FAM209A: variants seen among roughly 807,000 people sequenced by gnomAD.
The protein encoded by FAM209A is family with sequence similarity 209 member A, also known as protein FAM209A.
FAM209A carries 4 observed loss-of-function variants against 9.8 expected under a neutral mutation model. The ratio of observed to expected loss-of-function variants is 0.41; its 90% confidence interval spans 0.20 to 0.94. FAM209A has a LOEUF of 0.94. Ranked by LOEUF, FAM209A falls within the 40% of genes least tolerant of loss-of-function variation. The pLI, the probability that FAM209A is intolerant of heterozygous loss-of-function variation, is 0.32. For synonymous variants in FAM209A, 55 were observed against 77.8 expected (o/e 0.71, Z 1.54); for missense variants, 205 against 209.4 (o/e 0.98, Z 0.13).
chr20:56,528,955 TC>T (rs1440525925), downstream of FAM209A, among the ~76,000 whole-genome samples: 1 of 152,186 alleles, frequency 6.6e-6, no homozygotes, highest in African/African-American at 2.4e-5. Context: ...ACACCTGTAA[TC>T]CCAGCACTCT....
At chr20:56,527,292 G>T (rs1353850731), downstream of FAM209A, among the ~76,000 whole-genome samples, 1 of 151,674 alleles carries the variant, frequency 6.6e-6, no homozygotes, top group Non-Finnish European at 1.5e-5. Context: ...CTTGTGTTCT[G>T]TGAGCAAGCC....
downstream of FAM209A, among the ~76,000 whole-genome samples, chr20:56,530,663 A>AT (rs34007542): frequency 0.49 from 67,227 of 138,146 alleles, 16,550 homozygotes; most frequent in African/African-American, 0.6. Context: ...CACTCAGCTA[A>AT]TTTTTTTTTT....
chr20:56,524,938 A>T lies in FAM209A; in HGVS notation c.130A>T (p.Ile44Phe), dbSNP rs565141407. The T allele has an allele frequency of 6.2e-7, 1 of 1,614,192 alleles. No individual in the cohort carries two copies. Among genetic ancestry groups the T allele is most frequent in the Non-Finnish European group, 8.5e-7 (1 of 1,180,044 alleles). The change falls in exon 1 of 2, where the codon ATT becomes TTT. Residue 44 changes from isoleucine (I) to phenylalanine (F), a missense_variant. Ile to Phe is a conservative substitution (Grantham distance 21, BLOSUM62 0). Transcript: ENST00000371328. The part of the protein sequence containing the change: ...GKVQYGEHFR[I>F]RQNLPEHTQG... ...GGTGCAATACGGAGAGCACTTTCGG[A>T]TTCGGCAGAATCTACCAGAGCACAC... is the stretch of plus-strand genomic sequence containing the variant.
At chr20:56,527,536 C>A (rs1023031804), downstream of FAM209A, among the ~76,000 whole-genome samples, 13 of 152,208 alleles carry the variant, frequency 8.5e-5, no homozygotes, top group Admixed American at 2.0e-4. Flanking sequence ...CCCACAGGTC[C>A]CAGGAATGAG....
downstream of FAM209A, among the ~76,000 whole-genome samples, chr20:56,526,824 T>C (rs915850310): frequency 6.6e-6 from 1 of 152,016 alleles, no homozygotes; most frequent in Non-Finnish European, 1.5e-5. Flanking sequence ...CTTAGCCCAT[T>C]GGGAGGCCGA....
At chr20:56,525,082 C>T (rs1259703377) in intron 1 of FAM209A, 25 bp downstream of exon 1, 3 of 1,610,518 alleles carry the variant, frequency 1.9e-6, no homozygotes, top group South Asian at 2.2e-5. Context: ...ATTTTTTTTA[C>T]ACCATATTGA....
intron 1 of FAM209A, 103 bp from the exon 2 acceptor site, chr20:56,525,701 G>A (rs867074806): frequency 2.5e-6 from 3 of 1,197,348 alleles, no homozygotes; most frequent in Middle Eastern, 2.2e-4. Context: ...TTTGTGGGCA[G>A]TATGGTCTTC....
chr20:56,533,261 C>T, the FAM209A span: 2 of 1,585,988 alleles, frequency 1.3e-6, no homozygotes, highest in South Asian at 1.2e-5. Flanking sequence ...CACCAAGGGC[C>T]TGGCACCAGG....
At chr20:56,527,550 A>G (rs560549107), downstream of FAM209A, among the ~76,000 whole-genome samples, 66 of 152,368 alleles carry the variant, frequency 4.3e-4, 1 homozygote, top group Non-Finnish European at 7.8e-4. Context: ...GAATGAGTGC[A>G]TAGGCATCTC....
chr20:56,529,683 G>A (rs953254922), downstream of FAM209A, among the ~76,000 whole-genome samples: 4 of 151,864 alleles, frequency 2.6e-5, no homozygotes, highest in Admixed American at 6.6e-5. Flanking sequence ...ACAAAAATTA[G>A]TTGGGTGTGT....
At chr20:56,528,117 A>G (rs1025413077), downstream of FAM209A, among the ~76,000 whole-genome samples, 1 of 151,588 alleles carries the variant, frequency 6.6e-6, no homozygotes, top group African/African-American at 2.4e-5. Flanking sequence ...AAAAAAATAA[A>G]TAAATAAAAA....
At chr20:56,527,349 T>A (rs188779573), downstream of FAM209A, among the ~76,000 whole-genome samples, 77 of 152,302 alleles carry the variant, frequency 5.1e-4, no homozygotes, top group South Asian at 8.5e-3. Flanking sequence ...CCCAAGATGC[T>A]CCATGCTCAT....
rs1472729729 is a variant in FAM209A at position 56,526,118 on chromosome 20, T to C, written c.*48T>C. ...AAAAAAGTTGAGTGTTGACAAACTG[T>C]ATGCAAACTAATAAAACTATTCTGA... On this transcript the variant is annotated 3_prime_UTR_variant, in exon 2 of 2. Coordinates refer to ENST00000371328, the MANE Select transcript of FAM209A (RefSeq NM_001012971.4). 6.6e-7 allele frequency: 1 copy of C among 1,520,042 alleles called. No individual in the cohort carries two copies. Among genetic ancestry groups the C allele is most frequent in the Non-Finnish European group, 8.8e-7 (1 of 1,137,248 alleles). The allele number at this position is 1,520,042 out of a possible 1,614,324, so 94.2% of individuals were successfully genotyped here.
chr20:56,525,719 T>C (rs1027604268), intron 1 of FAM209A, 85 bp from the exon 2 acceptor site: 1 of 1,389,514 alleles, frequency 7.2e-7, no homozygotes, highest in Admixed American at 2.0e-5. Context: ...TTCTTGCAAC[T>C]ACTCAAGTCT....
downstream of FAM209A, chr20:56,526,257 C>T (rs73913965): frequency 2.5e-3 from 1,876 of 764,930 alleles, 27 homozygotes; most frequent in African/African-American, 0.029. Context: ...GCCTCTCTCA[C>T]GTCATCTAGA....
chr20:56,532,836 C>T, the FAM209A span, among the ~76,000 whole-genome samples: 1 of 151,894 alleles, frequency 6.6e-6, no homozygotes, highest in African/African-American at 2.4e-5. Context: ...AGTGAAATAC[C>T]CACCCCCCAC....
rs758052681 is a variant in FAM209A, at chr20:56,524,838, G to T, written c.30G>T (p.Leu10=). 1.9e-6 allele frequency: 3 copies of T among 1,614,076 alleles called. No individual in the cohort carries two copies. The African/African-American group carries it at 4.0e-5, about 22-fold the overall frequency. Residue 10 remains leucine (L), a synonymous_variant, in exon 1 of 2, where the codon CTG becomes CTT. Transcript: ENST00000371328. The part of the protein sequence containing the change: MWTLKSSLV[L]LLCLTCSYAF... ...GGACGCTGAAATCGTCCCTGGTCCTGCTTCTGTGCCTCACCTGCAGCTATG... is the reference window on the plus strand; with the variant it reads ...GGACGCTGAAATCGTCCCTGGTCCTTCTTCTGTGCCTCACCTGCAGCTATG...
chr20:56,530,922 G>A (rs1360210819), downstream of FAM209A, among the ~76,000 whole-genome samples: 2 of 152,110 alleles, frequency 1.3e-5, no homozygotes, highest in South Asian at 2.1e-4. Flanking sequence ...TCTGCTCCTC[G>A]GGAGTAAATC....
chr20:56,528,043 G>A (rs2146398004), downstream of FAM209A, among the ~76,000 whole-genome samples: 1 of 152,210 alleles, frequency 6.6e-6, no homozygotes, highest in South Asian at 2.1e-4. Context: ...GGAGGTGGAG[G>A]TGGCAGTGAG....
Sources: gnomAD v4.1 joint callset for allele counts (sites outside exome capture counted in the v4.1 genomes callset) on GRCh38, gnomAD v4.1.1 for gene constraint, MANE v1.5 for transcripts, NCBI Gene and HGNC (gene_info 2026-07-23, HGNC 2026-07-21) for gene names.